Variants in CENPP observed in about 807,000 individuals in gnomAD.
CENPP encodes centromere protein P.
A neutral mutation model predicts 35.6 loss-of-function variants in CENPP; 24 were observed. The observed-to-expected ratio is 0.67, with a 90% CI of 0.49 to 0.95. The LOEUF is 0.95. Among genes scored for constraint, CENPP ranks in the 40% least tolerant of loss-of-function variants. CENPP has a pLI of 0.00. For missense variants in CENPP, 332 were observed against 345.3 expected (o/e 0.96, Z 0.31); for synonymous variants, 120 against 125.5 (o/e 0.96, Z 0.29).
chr9:92,508,174 C>T lies in CENPP; in HGVS notation c.565-103140C>T, dbSNP rs189625976. The stretch of plus-strand genomic sequence containing the variant: ...CTGACCATCCACAGCATCAGGACTC[C>T]CAGCCAGGGGGAGCCCAGCACCCGA... On this transcript the variant is annotated intron_variant, in intron 5 of 7. Transcript: ENST00000375587. Among the ~76,000 whole-genome samples the T allele has an allele frequency of 7.4e-3, 1,121 of 152,298 alleles. 14 individuals carry two copies. The highest frequency in any genetic ancestry group is 0.025 in the African/African-American group (1,044 of 41,570).
chr9:92,413,467 A>AT (rs1380225334), intron 5 of CENPP, among the ~76,000 whole-genome samples: 1 of 152,084 alleles, frequency 6.6e-6, no homozygotes, highest in Non-Finnish European at 1.5e-5. Flanking sequence ...ATTTATTTGC[A>AT]TTTCCCTAAT....
chr9:92,482,048 A>C (rs1845929661), intron 5 of CENPP, among the ~76,000 whole-genome samples: 1 of 152,074 alleles, frequency 6.6e-6, no homozygotes. Context: ...ACAGGTTTTC[A>C]CTTAGCTGAA....
chr9:92,509,214 G>A (rs1376762101), intron 5 of CENPP, among the ~76,000 whole-genome samples: 2 of 152,092 alleles, frequency 1.3e-5, no homozygotes, highest in Non-Finnish European at 2.9e-5. Context: ...GCCGTGGGGT[G>A]TGGAGTTAGC....
intron 4 of CENPP, among the ~76,000 whole-genome samples, chr9:92,347,531 T>G (rs1841326480): frequency 1.3e-5 from 2 of 152,234 alleles, no homozygotes; most frequent in African/African-American, 4.8e-5. Context: ...CTTTTGGAGT[T>G]TCTTTCTTCT....
chr9:92,596,535 AT>A (rs1850788912), intron 5 of CENPP, among the ~76,000 whole-genome samples: 1 of 151,258 alleles, frequency 6.6e-6, no homozygotes, highest in Admixed American at 6.6e-5. Flanking sequence ...AAAGTGTGGT[AT>A]TTGATTAAAA....
intron 4 of CENPP, among the ~76,000 whole-genome samples, chr9:92,349,778 CACAT>C (rs758923594): frequency 6.6e-6 from 1 of 152,148 alleles, no homozygotes; most frequent in Non-Finnish European, 1.5e-5. Context: ...TGTATACACA[CACAT>C]ACACATGCAT....
At chr9:92,390,563 AGTGTGTGT>A (rs61628295) in intron 5 of CENPP, among the ~76,000 whole-genome samples, 9 of 150,546 alleles carry the variant, frequency 6.0e-5, no homozygotes, top group East Asian at 5.9e-4. Context: ...AGAGAAATTC[AGTGTGTGT>A]GTGTGTGTGT....
At chr9:92,538,485 A>T (rs1323502969) in intron 5 of CENPP, among the ~76,000 whole-genome samples, 1 of 152,212 alleles carries the variant, frequency 6.6e-6, no homozygotes, top group Non-Finnish European at 1.5e-5. Flanking sequence ...AGAATAACTT[A>T]AAAAGAATAC....
At chr9:92,543,470 TCAAAAAAAAAAA>T (rs1849360768) in intron 5 of CENPP, among the ~76,000 whole-genome samples, 1 of 34,658 alleles carries the variant, frequency 2.9e-5, no homozygotes, top group African/African-American at 1.4e-4. Flanking sequence ...AAACCCTGTC[TCAAAAAAAAAAA>T]AAAAAAAAAA....
intron 5 of CENPP, among the ~76,000 whole-genome samples, chr9:92,506,526 C>T (rs1847016708): frequency 6.6e-6 from 1 of 152,124 alleles, no homozygotes; most frequent in African/African-American, 2.4e-5. Flanking sequence ...GCCAAAATTC[C>T]CAGATTAGGG....
intron 2 of CENPP, among the ~76,000 whole-genome samples, chr9:92,336,015 G>A (rs1840914690): frequency 6.6e-6 from 1 of 152,178 alleles, no homozygotes; most frequent in South Asian, 2.1e-4. Context: ...ATAGCTATTT[G>A]TTTAAACAAT....
intron 4 of CENPP, among the ~76,000 whole-genome samples, chr9:92,349,262 G>A (rs1272782566): frequency 6.6e-6 from 1 of 152,022 alleles, no homozygotes; most frequent in East Asian, 1.9e-4. Flanking sequence ...AGTTCTTTAT[G>A]TCGCTTGTAA....
chr9:92,558,097 C>A (rs1055826709), intron 5 of CENPP, among the ~76,000 whole-genome samples: 1 of 152,106 alleles, frequency 6.6e-6, no homozygotes, highest in African/African-American at 2.4e-5. Context: ...TCTGGTCCCT[C>A]CCTGATTAGC....
intron 5 of CENPP, chr9:92,404,583 A>G (rs1475465330): frequency 7.7e-7 from 1 of 1,292,886 alleles, no homozygotes; most frequent in South Asian, 1.3e-5. Flanking sequence ...GTGAATGAGA[A>G]AAGCTATGTC....
At chr9:92,546,081 A>G (rs772947496) in intron 5 of CENPP, among the ~76,000 whole-genome samples, 11 of 152,034 alleles carry the variant, frequency 7.2e-5, no homozygotes, top group Non-Finnish European at 1.3e-4. Context: ...CCCTGTGTCT[A>G]GCTCAGGGTT....
chr9:92,391,972 G>A (rs1842705509), intron 5 of CENPP, among the ~76,000 whole-genome samples: 1 of 151,766 alleles, frequency 6.6e-6, no homozygotes, highest in South Asian at 2.1e-4. Flanking sequence ...CCTGGTTATG[G>A]TTAGTCTCAT....
rs1169721153 is a variant in CENPP at position 92,325,995 on chromosome 9, C to T, written c.-4C>T. On this transcript the variant is annotated 5_prime_UTR_variant, in exon 1 of 8. Transcript: ENST00000375587. The stretch of plus-strand genomic sequence containing the variant: ...GCCGGCCCGGCTGCGGTCAGCAACG[C>T]GCCATGGACGCAGAGCTGGCAGAGG... The T allele has an allele frequency of 6.5e-6, 10 of 1,549,426 alleles. No homozygotes were observed. Among genetic ancestry groups the T allele is most frequent in the Non-Finnish European group, 7.9e-6 (9 of 1,146,376 alleles).
chr9:92,556,478 G>C (rs1019597014), intron 5 of CENPP, among the ~76,000 whole-genome samples: 2 of 152,080 alleles, frequency 1.3e-5, no homozygotes, highest in African/African-American at 2.4e-5. Context: ...TCATTTCTTA[G>C]GTCTATTAAT....
chr9:92,533,887 C>T (rs898227179), intron 5 of CENPP, among the ~76,000 whole-genome samples: 2 of 151,714 alleles, frequency 1.3e-5, no homozygotes, highest in African/African-American at 4.8e-5. Flanking sequence ...GATTCTCATC[C>T]CTTTGTAAGA....
Sources: allele counts gnomAD v4.1 joint callset (sites outside exome capture counted in the v4.1 genomes callset), GRCh38; gene constraint gnomAD v4.1.1; transcripts MANE v1.5; gene names NCBI Gene and HGNC (gene_info 2026-07-23, HGNC 2026-07-21).